Variants in ATG10 observed in about 807,000 individuals in gnomAD.
ATG10 encodes the protein autophagy related 10, also known as ubiquitin-like-conjugating enzyme ATG10.
ATG10 carries 30 observed loss-of-function variants against 32.1 expected under a neutral mutation model. That is an observed-to-expected ratio of 0.94 (90% CI 0.70 to 1.27). The LOEUF is 1.27. Ranked by LOEUF, ATG10 falls within the 50% of genes most tolerant of loss-of-function variation. The probability of loss-of-function intolerance (pLI) is 0.00; values close to 1 mark genes in which losing one functional copy is unlikely to be tolerated. For missense variants in ATG10, 233 were observed against 262.3 expected, an observed-to-expected ratio of 0.89 and a Z score of 0.77; for synonymous variants, 87 against 91.5, an observed-to-expected ratio of 0.95 and a Z score of 0.28.
intron 3 of ATG10, among the ~76,000 whole-genome samples, chr5:82,135,918 A>C (rs10072893): frequency 6.6e-6 from 1 of 151,790 alleles, no homozygotes. Flanking sequence ...TTGGGTGCAT[A>C]TATATTTAGG....
chr5:82,165,803 AG>A (rs956463023), intron 4 of ATG10, among the ~76,000 whole-genome samples: 60 of 152,284 alleles, frequency 3.9e-4, no homozygotes, highest in Non-Finnish European at 5.3e-4. Context: ...TTGTTTATTC[AG>A]GGGGAGGAAA....
At chr5:81,981,144 C>A (rs1434504017) in intron 1 of ATG10, among the ~76,000 whole-genome samples, 5 of 152,214 alleles carry the variant, frequency 3.3e-5, no homozygotes, top group Non-Finnish European at 5.9e-5. Context: ...CAGGGCCATG[C>A]CTTCTGTGTC....
intron 3 of ATG10, among the ~76,000 whole-genome samples, chr5:82,128,255 G>A (rs2149837805): frequency 6.6e-6 from 1 of 152,052 alleles, no homozygotes; most frequent in South Asian, 2.1e-4. Context: ...ATGCCAGTCT[G>A]TGTCTTTTAA....
intron 5 of ATG10, among the ~76,000 whole-genome samples, chr5:82,211,995 C>G (rs1038176028): frequency 1.3e-5 from 2 of 152,196 alleles, no homozygotes; most frequent in African/African-American, 2.4e-5. Flanking sequence ...ACCCCCTTGT[C>G]AAGGCTCACT....
At chr5:82,132,410 C>T (rs535805454) in intron 3 of ATG10, among the ~76,000 whole-genome samples, 2 of 150,150 alleles carry the variant, frequency 1.3e-5, no homozygotes, top group Admixed American at 1.3e-4. Context: ...CCTAGCCCCC[C>T]CACCCCATTA....
At chr5:82,118,179 C>G (rs1014492546) in intron 3 of ATG10, among the ~76,000 whole-genome samples, 1 of 150,814 alleles carries the variant, frequency 6.6e-6, no homozygotes, top group African/African-American at 2.4e-5. Context: ...GGTGATTGGA[C>G]AGGTTATATT....
intron 2 of ATG10, among the ~76,000 whole-genome samples, chr5:82,043,627 G>A (rs1393366896): frequency 6.6e-6 from 1 of 152,112 alleles, no homozygotes; most frequent in Non-Finnish European, 1.5e-5. Context: ...CTTCCTTCAT[G>A]CATATGAGCA....
intron 5 of ATG10, among the ~76,000 whole-genome samples, chr5:82,249,711 C>T (rs903964371): frequency 3.9e-5 from 6 of 152,174 alleles, no homozygotes; most frequent in Admixed American, 6.5e-5. Flanking sequence ...CTCAAACAGT[C>T]TTAACCATAG....
chr5:82,032,024 A>G (rs947723393), intron 2 of ATG10, among the ~76,000 whole-genome samples: 2 of 152,228 alleles, frequency 1.3e-5, no homozygotes, highest in Non-Finnish European at 2.9e-5. Flanking sequence ...GTGGGACCAG[A>G]GTATGTAGCC....
At chr5:82,146,554 A>G (rs867542223) in intron 3 of ATG10, among the ~76,000 whole-genome samples, 11 of 149,602 alleles carry the variant, frequency 7.4e-5, no homozygotes, top group Non-Finnish European at 1.2e-4. Context: ...CCAGTTGTCT[A>G]TATGTCTGAT....
At chr5:82,202,872 A>T (rs1745123593) in intron 5 of ATG10, among the ~76,000 whole-genome samples, 1 of 152,242 alleles carries the variant, frequency 6.6e-6, no homozygotes, top group African/African-American at 2.4e-5. Context: ...ATTGCAGTGC[A>T]GGTCTATGAC....
chr5:82,044,034 T>C (rs967156416), intron 2 of ATG10, among the ~76,000 whole-genome samples: 13 of 152,206 alleles, frequency 8.5e-5, no homozygotes, highest in Admixed American at 7.2e-4. Flanking sequence ...ACCAATTTTC[T>C]ATATTAGTCT....
chr5:82,062,021 G>A (rs907828022), intron 3 of ATG10, among the ~76,000 whole-genome samples: 2 of 151,268 alleles, frequency 1.3e-5, no homozygotes, highest in African/African-American at 4.9e-5. Flanking sequence ...TAGAGATGTG[G>A]ATCTTGCTCT....
At chr5:82,202,789 C>G (rs1009381776) in intron 5 of ATG10, among the ~76,000 whole-genome samples, 2 of 152,218 alleles carry the variant, frequency 1.3e-5, no homozygotes, top group Non-Finnish European at 2.9e-5. Context: ...TCTACTGCAG[C>G]CTTCAGGCCA....
intron 3 of ATG10, among the ~76,000 whole-genome samples, chr5:82,164,163 C>T (rs910867834): frequency 4.6e-5 from 7 of 151,896 alleles, no homozygotes; most frequent in Non-Finnish European, 8.8e-5. Flanking sequence ...TTATCCAGAG[C>T]CTCTTTGTGT....
intron 2 of ATG10, among the ~76,000 whole-genome samples, chr5:82,000,903 C>T (rs571027080): frequency 6.6e-6 from 1 of 152,214 alleles, no homozygotes; most frequent in Admixed American, 6.5e-5. Context: ...GTGATCTGCT[C>T]GCCTTGGCCT....
At chr5:82,000,110 A>G (rs1561247885) in intron 2 of ATG10, among the ~76,000 whole-genome samples, 1 of 152,188 alleles carries the variant, frequency 6.6e-6, no homozygotes, top group African/African-American at 2.4e-5. Flanking sequence ...TCAAAAAGCT[A>G]ATCTGCCATG....
At position 82,224,366 on chromosome 5, in the gene ATG10, A is replaced by G. The variant is rs533922564; in HGVS notation, c.454-28196A>G. On this transcript the variant is annotated intron_variant, in intron 5 of 7. Transcript: ENST00000282185. ...ATTTAAACCACATGCAACATGGGCAAAAGCCTGTATACATTATGCATTATT... is the reference window on the plus strand; with the variant it reads ...ATTTAAACCACATGCAACATGGGCAGAAGCCTGTATACATTATGCATTATT... Among the ~76,000 whole-genome samples, 7 of 152,320 alleles carry G rather than the reference A, an allele frequency of 4.6e-5. No homozygotes were observed. In the East Asian group the frequency reaches 1.3e-3, roughly 29 times the overall value.
At chr5:82,110,680 A>G (rs1040893578) in intron 3 of ATG10, among the ~76,000 whole-genome samples, 1 of 151,948 alleles carries the variant, frequency 6.6e-6, no homozygotes, top group Middle Eastern at 3.4e-3. Flanking sequence ...GTTTGAGTTC[A>G]TTGTAGATTC....
Sources: gnomAD v4.1 joint callset for allele counts (sites outside exome capture counted in the v4.1 genomes callset) on GRCh38, gnomAD v4.1.1 for gene constraint, MANE v1.5 for transcripts, NCBI Gene and HGNC (gene_info 2026-07-23, HGNC 2026-07-21) for gene names.